MAGI2: variants seen among roughly 807,000 people sequenced by gnomAD.
MAGI2 encodes membrane-associated guanylate kinase, WW and PDZ domain-containing protein 2.
In MAGI2, 35 loss-of-function variants were observed where a neutral mutation model predicts 133.3. The ratio of observed to expected loss-of-function variants is 0.26; its 90% CI spans 0.20 to 0.35. MAGI2 has a LOEUF of 0.35. Ranked by LOEUF, MAGI2 falls within the 10% of genes least tolerant of loss-of-function variation. MAGI2 has a pLI of 1.00. For synonymous variants in MAGI2, 729 were observed against 710.6 expected (o/e 1.03, Z -0.41); for missense variants, 1,636 against 1,863.4 (o/e 0.88, Z 2.25).
At chr7:78,800,056 G>C (rs999152783) in intron 2 of MAGI2, among the ~76,000 whole-genome samples, 1 of 151,988 alleles carries the variant, frequency 6.6e-6, no homozygotes, top group Non-Finnish European at 1.5e-5. Flanking sequence ...GCAGCTCTGT[G>C]GTATGATTCA....
At chr7:79,088,715 A>C (rs1215105731) in intron 1 of MAGI2, among the ~76,000 whole-genome samples, 1 of 152,076 alleles carries the variant, frequency 6.6e-6, no homozygotes. Context: ...AGTTTTCAGC[A>C]TGAAGTGGTG....
At chr7:78,823,688 G>A (rs1461320299) in intron 2 of MAGI2, among the ~76,000 whole-genome samples, 1 of 152,042 alleles carries the variant, frequency 6.6e-6, no homozygotes, top group Admixed American at 6.5e-5. Context: ...GAAAAGGTTA[G>A]GTAGAAGAAT....
chr7:78,460,387 C>G (rs568154291), intron 6 of MAGI2, among the ~76,000 whole-genome samples: 1 of 152,298 alleles, frequency 6.6e-6, no homozygotes, highest in East Asian at 1.9e-4. Context: ...GGTACTTGTT[C>G]TAAGTGTCAA....
intron 1 of MAGI2, among the ~76,000 whole-genome samples, chr7:79,113,234 C>T (rs1819087367): frequency 6.6e-6 from 1 of 152,206 alleles, no homozygotes; most frequent in South Asian, 2.1e-4. Flanking sequence ...TCAGTAAGTT[C>T]ACCTTCATTA....
intron 3 of MAGI2, among the ~76,000 whole-genome samples, chr7:78,591,452 C>A (rs949959037): frequency 1.3e-5 from 2 of 152,128 alleles, no homozygotes; most frequent in African/African-American, 4.8e-5. Flanking sequence ...GCTGGAGGTG[C>A]GGGGAGTACT....
chr7:78,020,572 C>CA (rs67109509), intron 21 of MAGI2, among the ~76,000 whole-genome samples: 3,416 of 147,316 alleles, frequency 0.023, 64 homozygotes, highest in East Asian at 0.081. Flanking sequence ...CTGATGGGCT[C>CA]AAAAAAAAAA....
chr7:79,054,666 T>C (rs1189742667), intron 1 of MAGI2, among the ~76,000 whole-genome samples: 1 of 152,182 alleles, frequency 6.6e-6, no homozygotes, highest in Admixed American at 6.5e-5. Context: ...CCATCTCCAT[T>C]CTGTTCCTCC....
chr7:78,527,628 C>A (rs1041886487), intron 3 of MAGI2, among the ~76,000 whole-genome samples: 26 of 152,142 alleles, frequency 1.7e-4, no homozygotes, highest in African/African-American at 6.3e-4. Flanking sequence ...AGGAAAGACA[C>A]TGAAAACTAA....
chr7:79,137,754 T>C (rs1045519751), intron 1 of MAGI2, among the ~76,000 whole-genome samples: 1 of 152,078 alleles, frequency 6.6e-6, no homozygotes, highest in Non-Finnish European at 1.5e-5. Flanking sequence ...TAAGCCACCA[T>C]GACCAGCCCA....
At chr7:78,079,650 G>A (rs1275256664) in intron 20 of MAGI2, among the ~76,000 whole-genome samples, 1 of 152,138 alleles carries the variant, frequency 6.6e-6, no homozygotes, top group African/African-American at 2.4e-5. Context: ...TTGATGATGA[G>A]TTTTCTATCA....
chr7:78,977,172 G>A (rs1052689347), intron 2 of MAGI2, among the ~76,000 whole-genome samples: 2 of 151,632 alleles, frequency 1.3e-5, no homozygotes, highest in Non-Finnish European at 3.0e-5. Flanking sequence ...AGGACTCATG[G>A]TAGTCAATCT....
At chr7:78,512,566 G>C (rs1353913587) in intron 4 of MAGI2, among the ~76,000 whole-genome samples, 1 of 152,022 alleles carries the variant, frequency 6.6e-6, no homozygotes, top group Non-Finnish European at 1.5e-5. Flanking sequence ...CCACCACGAT[G>C]GGCTGATTTT....
intron 6 of MAGI2, among the ~76,000 whole-genome samples, chr7:78,439,122 A>T (rs1014316897): frequency 3.9e-5 from 6 of 152,192 alleles, no homozygotes; most frequent in Non-Finnish European, 8.8e-5. Context: ...CCCACATGCA[A>T]ATGGAAGCAG....
At chr7:78,243,216 G>A (rs1404410590) in intron 10 of MAGI2, among the ~76,000 whole-genome samples, 1 of 141,510 alleles carries the variant, frequency 7.1e-6, no homozygotes, top group Non-Finnish European at 1.5e-5. Context: ...ACCCTCAAAT[G>A]GTTCAGATAC....
chr7:78,917,521 G>A (rs536892353), intron 2 of MAGI2, among the ~76,000 whole-genome samples: 2 of 152,120 alleles, frequency 1.3e-5, no homozygotes, highest in African/African-American at 2.4e-5. Flanking sequence ...TGTTCTTCCC[G>A]GTTTTATCCT....
chr7:79,242,121 C>A lies in MAGI2; in HGVS notation c.301+210899G>T, dbSNP rs1041466675. Among the ~76,000 whole-genome samples, 3 of 152,202 alleles carry A rather than the reference C, an allele frequency of 2.0e-5. No individual in the cohort carries two copies. The East Asian group carries it at 5.8e-4, about 29-fold the overall frequency. On this transcript the variant is annotated intron_variant, in intron 1 of 21. Transcript: ENST00000354212. The stretch of plus-strand genomic sequence containing the variant: ...GAATAAGTTCAAGAGATCTATTGTA[C>A]ATTATGGTGATTATAGTTAATAACA...
chr7:78,450,556 C>T (rs929391920), intron 6 of MAGI2, among the ~76,000 whole-genome samples: 12 of 152,084 alleles, frequency 7.9e-5, no homozygotes, highest in Admixed American at 3.9e-4. Flanking sequence ...GATGCTGAGG[C>T]TTCTAGGAGT....
At chr7:79,134,578 C>G (rs886525565) in intron 1 of MAGI2, among the ~76,000 whole-genome samples, 4 of 152,138 alleles carry the variant, frequency 2.6e-5, no homozygotes, top group Non-Finnish European at 5.9e-5. Flanking sequence ...CTCTATATCG[C>G]ACATACTTAA....
chr7:78,361,091 G>C (rs1431052648), intron 7 of MAGI2, among the ~76,000 whole-genome samples: 1 of 139,818 alleles, frequency 7.2e-6, no homozygotes, highest in Non-Finnish European at 1.5e-5. Flanking sequence ...GGCCTGATTT[G>C]TTAGATTCAT....
Sources: gnomAD v4.1 joint callset for allele counts (sites outside exome capture counted in the v4.1 genomes callset) on GRCh38, gnomAD v4.1.1 for gene constraint, MANE v1.5 for transcripts, NCBI Gene and HGNC (gene_info 2026-07-23, HGNC 2026-07-21) for gene names.